Variants in RBFOX1 observed in about 807,000 individuals in gnomAD.
RBFOX1 encodes the protein RNA binding fox-1 homolog 1.
Under a neutral mutation model 57.7 loss-of-function variants are expected in RBFOX1, and 8 were observed. That is an observed-to-expected ratio of 0.14 (90% CI 0.08 to 0.25). The LOEUF (loss-of-function observed/expected upper bound fraction) is 0.25, where lower values mean the gene tolerates loss of function less well. RBFOX1 is among the 10% of genes least tolerant of loss of function. RBFOX1 has a pLI of 1.00. For synonymous variants in RBFOX1, 326 were observed against 222.4 expected, an observed-to-expected ratio of 1.47 and a Z score of -4.15; for missense variants, 611 against 548.5, an observed-to-expected ratio of 1.11 and a Z score of -1.14.
At chr16:6,944,187 G>C (rs1057111202) in intron 3 of RBFOX1, among the ~76,000 whole-genome samples, 4 of 151,766 alleles carry the variant, frequency 2.6e-5, no homozygotes, top group African/African-American at 9.7e-5. Context: ...ATGAGGTCAG[G>C]AGTTCAAGAT....
intron 14 of RBFOX1, among the ~76,000 whole-genome samples, chr16:7,701,623 T>C (rs770606873): frequency 8.5e-5 from 13 of 152,292 alleles, no homozygotes; most frequent in Non-Finnish European, 1.3e-4. Context: ...TAGGGACTGG[T>C]TTAGTTCCTC....
At chr16:5,605,937 G>A (rs1204023798) in intron 3 of RBFOX1, among the ~76,000 whole-genome samples, 1 of 152,134 alleles carries the variant, frequency 6.6e-6, no homozygotes, top group East Asian at 1.9e-4. Context: ...GAACCCATAA[G>A]CTGGCCCACC....
At chr16:5,536,083 C>T (rs1446770690) in intron 2 of RBFOX1, among the ~76,000 whole-genome samples, 2 of 143,506 alleles carry the variant, frequency 1.4e-5, no homozygotes, top group East Asian at 4.3e-4. Context: ...TGAGAAGTCC[C>T]CAAGTCATCA....
At chr16:7,064,636 G>A (rs1343820201) in intron 4 of RBFOX1, among the ~76,000 whole-genome samples, 1 of 152,170 alleles carries the variant, frequency 6.6e-6, no homozygotes, top group Admixed American at 6.5e-5. Flanking sequence ...GCACTGTGGG[G>A]AAGTAAATTT....
In RBFOX1 at chr16:6,368,202, C is replaced by T. The variant is rs147514031; in HGVS notation, c.-64+51145C>T. On this transcript the variant is annotated intron_variant, in intron 2 of 15. Coordinates refer to ENST00000550418, the MANE Select transcript of RBFOX1 (RefSeq NM_018723.4). ...ATGCATATGAGACTTGTATTATATACCCTGAATGAAAAATATTGAAAATAT... is the reference window on the plus strand; with the variant it reads ...ATGCATATGAGACTTGTATTATATATCCTGAATGAAAAATATTGAAAATAT... Among the ~76,000 whole-genome samples, 15 of 152,214 alleles carry T rather than the reference C, an allele frequency of 9.9e-5. No individual in the cohort carries two copies. In the East Asian group the frequency reaches 2.5e-3, roughly 26 times the overall value.
rs571827265 is a variant in RBFOX1 at position 6,078,451 on chromosome 16, A to G, written c.-127+58459A>G. The stretch of plus-strand genomic sequence containing the variant: ...CATCAGCTGTCATTAGTATTAATGT[A>G]TTTTATGTATGACCTGAGACACTTC... On this transcript the variant is annotated intron_variant, in intron 1 of 15. Coordinates refer to ENST00000550418, the MANE Select transcript of RBFOX1 (RefSeq NM_018723.4). 2.0e-5 allele frequency among the ~76,000 whole-genome samples: 3 copies of G among 151,764 alleles called. No homozygotes were observed. The East Asian group carries it at 5.8e-4, about 30-fold the overall frequency.
intron 4 of RBFOX1, among the ~76,000 whole-genome samples, chr16:7,193,421 C>T (rs1044804171): frequency 2.0e-5 from 3 of 152,212 alleles, no homozygotes; most frequent in South Asian, 2.1e-4. Flanking sequence ...TTCTGAACTA[C>T]AGAACTATAA....
intron 1 of RBFOX1, among the ~76,000 whole-genome samples, chr16:5,260,225 A>T (rs1194432343): frequency 6.6e-6 from 1 of 152,186 alleles, no homozygotes; most frequent in Admixed American, 6.5e-5. Flanking sequence ...TCCAAATATT[A>T]ATATGAAGGA....
At chr16:5,910,536 T>C (rs2058579453) in intron 4 of RBFOX1, among the ~76,000 whole-genome samples, 1 of 150,640 alleles carries the variant, frequency 6.6e-6, no homozygotes, top group Non-Finnish European at 1.5e-5. Flanking sequence ...TAGAAAGATT[T>C]AGGAGCCCTT....
intron 1 of RBFOX1, among the ~76,000 whole-genome samples, chr16:6,062,807 G>T (rs571159737): frequency 2.0e-5 from 3 of 151,922 alleles, no homozygotes; most frequent in African/African-American, 7.3e-5. Flanking sequence ...TTCTAGGGGC[G>T]GCAAATATGA....
rs576264736 is a variant in RBFOX1 at position 5,241,104 on chromosome 16, C to G, written c.219+999C>G. ...CATGGGAGAGAGGGCGGCCTTCATT[C>G]TGAACCCATTTGGGCAGCACGGGTA... On this transcript the variant is annotated intron_variant, in intron 1 of 2. Coordinates refer to the RBFOX1 transcript ENST00000585867. Among the ~76,000 whole-genome samples, 14 of 152,356 alleles carry G rather than the reference C, an allele frequency of 9.2e-5. No homozygotes were observed. In the East Asian group the frequency reaches 2.5e-3, roughly 27 times the overall value.
rs148567918 is a variant in RBFOX1 at position 5,431,959 on chromosome 16, T to A, written c.220-35257T>A. 1.7e-3 allele frequency among the ~76,000 whole-genome samples: 261 copies of A among 150,760 alleles called. 2 individuals carry two copies. The highest frequency in any genetic ancestry group is 6.2e-3 in the African/African-American group (253 of 40,978). On this transcript the variant is annotated intron_variant, in intron 1 of 2. Coordinates refer to the RBFOX1 transcript ENST00000585867. ...ACGGACAACGGAGACTTTTTGGGGG[T>A]GTTGAGGGGGGTGTCTGCAGATCAA...
intron 4 of RBFOX1, among the ~76,000 whole-genome samples, chr16:7,125,366 C>T (rs1185825537): frequency 1.3e-5 from 2 of 152,164 alleles, no homozygotes; most frequent in Non-Finnish European, 2.9e-5. Context: ...AGCAGAGTGC[C>T]AGGCAAATCA....
At chr16:6,453,806 A>C (rs1467123008) in intron 2 of RBFOX1, among the ~76,000 whole-genome samples, 1 of 152,214 alleles carries the variant, frequency 6.6e-6, no homozygotes, top group Non-Finnish European at 1.5e-5. Context: ...GACTAGTTAC[A>C]TTTCAAGTGC....
At chr16:7,331,420 T>G (rs949844475) in intron 4 of RBFOX1, among the ~76,000 whole-genome samples, 2 of 152,166 alleles carry the variant, frequency 1.3e-5, no homozygotes, top group African/African-American at 2.4e-5. Context: ...GAACTTCATA[T>G]TATTGCTTTC....
At chr16:6,784,754 TGGTCGGGG>T (rs1348513282) in intron 3 of RBFOX1, among the ~76,000 whole-genome samples, 8 of 152,146 alleles carry the variant, frequency 5.3e-5, no homozygotes, top group African/African-American at 1.9e-4. Context: ...GGTGTTCCTG[TGGTCGGGG>T]GTTGTGGGGA....
chr16:7,482,464 A>T (rs2064214365), intron 4 of RBFOX1, among the ~76,000 whole-genome samples: 3 of 130,342 alleles, frequency 2.3e-5, no homozygotes, highest in South Asian at 4.6e-4. Flanking sequence ...CTTCCATTTC[A>T]TCCCAGTTGT....
At chr16:5,401,460 T>C (rs567927321) in intron 1 of RBFOX1, among the ~76,000 whole-genome samples, 87 of 152,330 alleles carry the variant, frequency 5.7e-4, no homozygotes, top group African/African-American at 1.9e-3. Flanking sequence ...CTGGAACAAC[T>C]GCAGCTTTGT....
intron 4 of RBFOX1, among the ~76,000 whole-genome samples, chr16:7,285,625 C>T (rs2095635547): frequency 6.6e-6 from 1 of 152,008 alleles, no homozygotes; most frequent in South Asian, 2.1e-4. Flanking sequence ...GAAATGGACC[C>T]ATATAGTACC....
Sources: allele counts gnomAD v4.1 joint callset (sites outside exome capture counted in the v4.1 genomes callset), GRCh38; gene constraint gnomAD v4.1.1; transcripts MANE v1.5; gene names NCBI Gene and HGNC (gene_info 2026-07-23, HGNC 2026-07-21).